RICTOR: variants seen among roughly 807,000 people sequenced by gnomAD.
RICTOR encodes the protein RPTOR independent companion of MTOR complex 2.
In RICTOR, 49 loss-of-function variants were observed where a neutral mutation model predicts 214.9. That is an observed-to-expected ratio of 0.23 (90% confidence interval 0.18 to 0.29). The LOEUF (loss-of-function observed/expected upper bound fraction) is 0.29, where lower values mean the gene tolerates loss of function less well. Ranked by LOEUF, RICTOR falls within the 10% of genes least tolerant of loss-of-function variation. The pLI is 1.00. For synonymous variants in RICTOR, 717 were observed against 711.3 expected (o/e 1.01, Z -0.13); for missense variants, 1,625 against 2,047.0 (o/e 0.79, Z 3.98).
intron 2 of RICTOR, 58 bp downstream of exon 2, chr5:39,074,053 C>G (rs969282783): frequency 3.6e-6 from 5 of 1,398,380 alleles, no homozygotes; most frequent in Admixed American, 5.3e-5. Context: ...CCCCCAGCCC[C>G]GGACCCGGCT....
intron 9 of RICTOR, 116 bp from the exon 10 acceptor site, chr5:38,975,720 A>T: frequency 1.6e-6 from 1 of 610,354 alleles, no homozygotes; most frequent in South Asian, 2.5e-5. Context: ...ATTTACACAT[A>T]AAATTAAAAC....
At chr5:39,044,234 A>G (rs192268715) in intron 2 of RICTOR, among the ~76,000 whole-genome samples, 3 of 152,218 alleles carry the variant, frequency 2.0e-5, no homozygotes, top group Admixed American at 6.5e-5. Context: ...TGAGCAAAAC[A>G]TGTATAATAA....
intron 3 of RICTOR, among the ~76,000 whole-genome samples, chr5:39,008,220 A>G (rs1754221568): frequency 6.6e-6 from 1 of 152,108 alleles, no homozygotes; most frequent in African/African-American, 2.4e-5. Flanking sequence ...TTTAACACCA[A>G]AAATTTTTTT....
intron 3 of RICTOR, among the ~76,000 whole-genome samples, chr5:39,006,155 C>T (rs1042262653): frequency 1.3e-5 from 2 of 152,184 alleles, no homozygotes; most frequent in Admixed American, 1.3e-4. Flanking sequence ...CAGCAAGTGT[C>T]CCCTGGGAAA....
chr5:38,996,739 T>A, intron 6 of RICTOR, 80 bp downstream of exon 6: 1 of 825,020 alleles, frequency 1.2e-6, no homozygotes, highest in Non-Finnish European at 2.0e-6. Context: ...AATAAAGATT[T>A]CACAAAAGTC....
chr5:38,955,773 T>C (rs150182325), intron 25 of RICTOR, 69 bp from the exon 26 acceptor site: 3 of 860,532 alleles, frequency 3.5e-6, no homozygotes, highest in Non-Finnish European at 6.0e-6. Flanking sequence ...ATATGTCAGA[T>C]ACTTAGCAAA....
rs1233151599 is a variant in RICTOR, at chr5:38,941,824, G to C, written c.*480C>G. 1 of 233,266 alleles carries C rather than the reference G, an allele frequency of 4.3e-6. No individual in the cohort carries two copies. The highest frequency in any genetic ancestry group is 8.5e-6 in the Non-Finnish European group (1 of 117,842). 14.4% of individuals were successfully genotyped at this position (233,266 alleles called of 1,614,324 possible). ...TCCCTCTCTAATACCAGCAGTTATA[G>C]CACACCCCATTGTGGTAATAGGATG... On this transcript the variant is annotated 3_prime_UTR_variant, in exon 38 of 38. Transcript: ENST00000357387.
At chr5:39,015,555 C>G (rs971246464) in intron 3 of RICTOR, among the ~76,000 whole-genome samples, 2 of 151,808 alleles carry the variant, frequency 1.3e-5, no homozygotes, top group African/African-American at 4.8e-5. Flanking sequence ...CTACTGGCAT[C>G]TAGTAGGTAG....
intron 2 of RICTOR, among the ~76,000 whole-genome samples, chr5:39,038,726 A>T (rs1219405706): frequency 7.6e-6 from 1 of 131,638 alleles, no homozygotes. Flanking sequence ...ATTGCTTCAA[A>T]GAGAATAAAA....
chr5:39,067,549 T>A (rs1201701086), intron 2 of RICTOR, among the ~76,000 whole-genome samples: 1 of 152,198 alleles, frequency 6.6e-6, no homozygotes, highest in Non-Finnish European at 1.5e-5. Context: ...TACCCTATGA[T>A]ATACACCCTC....
intron 2 of RICTOR, among the ~76,000 whole-genome samples, chr5:39,035,987 G>A (rs1756659581): frequency 6.6e-6 from 1 of 152,154 alleles, no homozygotes; most frequent in African/African-American, 2.4e-5. Flanking sequence ...TACTCCTCGA[G>A]AAGAGCAACT....
intron 3 of RICTOR, among the ~76,000 whole-genome samples, chr5:39,015,525 A>T: frequency 6.6e-6 from 1 of 151,740 alleles, no homozygotes; most frequent in Non-Finnish European, 1.5e-5. Flanking sequence ...GCTTGTCACA[A>T]CTGGTTTGGG....
At chr5:39,066,097 A>G (rs1270407879) in intron 2 of RICTOR, among the ~76,000 whole-genome samples, 1 of 152,256 alleles carries the variant, frequency 6.6e-6, no homozygotes, top group Non-Finnish European at 1.5e-5. Flanking sequence ...CCACCCCTGC[A>G]GCAGGCTTCT....
chr5:39,057,093 GAATT>G (rs1433821736), intron 2 of RICTOR, among the ~76,000 whole-genome samples: 2 of 152,122 alleles, frequency 1.3e-5, no homozygotes, highest in Non-Finnish European at 2.9e-5. Flanking sequence ...ATAAATTAGT[GAATT>G]AATAACTTCC....
intron 2 of RICTOR, among the ~76,000 whole-genome samples, chr5:39,068,185 C>T (rs1189171717): frequency 2.0e-5 from 3 of 152,174 alleles, no homozygotes; most frequent in Admixed American, 2.0e-4. Context: ...ATAAACTGTG[C>T]TGGAAATGCA....
intron 2 of RICTOR, among the ~76,000 whole-genome samples, chr5:39,053,302 T>C (rs370768803): frequency 1.7e-4 from 26 of 152,356 alleles, no homozygotes; most frequent in African/African-American, 6.3e-4. Context: ...TATTCAATTA[T>C]ACTTGTCATG....
At chr5:39,013,238 C>T (rs1754681903) in intron 3 of RICTOR, among the ~76,000 whole-genome samples, 2 of 152,080 alleles carry the variant, frequency 1.3e-5, no homozygotes, top group Admixed American at 6.6e-5. Flanking sequence ...ATGAGTATAA[C>T]ACGTTAAACT....
intron 3 of RICTOR, among the ~76,000 whole-genome samples, chr5:39,004,225 T>C (rs1222175525): frequency 3.3e-5 from 5 of 152,172 alleles, no homozygotes; most frequent in African/African-American, 1.2e-4. Context: ...CTTGTTCTGT[T>C]AGTGTTTTAA....
In RICTOR at chr5:39,005,025, C is replaced by T. The variant is rs541671228; in HGVS notation, c.196-1403G>A. On this transcript the variant is annotated intron_variant, in intron 3 of 37. Transcript: ENST00000357387. ...CAAACTCCCGACCTCAGGTGATCCG[C>T]CCGCCTTGGCCTCCCAAAGTGCTGG... Among the ~76,000 whole-genome samples, 3 of 152,308 alleles carry T rather than the reference C, an allele frequency of 2.0e-5. No homozygotes were observed. The East Asian group carries it at 5.8e-4, about 29-fold the overall frequency.
Sources: allele counts gnomAD v4.1 joint callset (sites outside exome capture counted in the v4.1 genomes callset), GRCh38; gene constraint gnomAD v4.1.1; transcripts MANE v1.5; gene names NCBI Gene and HGNC (gene_info 2026-07-23, HGNC 2026-07-21).